ATG4A: variants seen among roughly 807,000 people sequenced by gnomAD.
ATG4A encodes the protein autophagy related 4A cysteine peptidase.
In ATG4A, 22 loss-of-function variants were observed where a neutral mutation model predicts 38.4. The observed-to-expected ratio is 0.57, with a 90% CI of 0.41 to 0.82. ATG4A has a LOEUF of 0.82. Ranked by LOEUF, ATG4A falls within the 40% of genes least tolerant of loss-of-function variation. ATG4A has a pLI of 0.00. For synonymous variants in ATG4A, 86 were observed against 100.7 expected (o/e 0.85, Z 0.88); for missense variants, 220 against 290.0 (o/e 0.76, Z 1.75).
chrX:108,145,008 C>T (rs2033389369), intron 9 of ATG4A, among the ~76,000 whole-genome samples: 1 of 112,127 alleles, frequency 8.9e-6, no homozygotes, highest in Non-Finnish European at 1.9e-5. Flanking sequence ...GGCATTGTGC[C>T]TCTTTCTTGG....
intron 1 of ATG4A, among the ~76,000 whole-genome samples, chrX:108,102,485 A>C (rs1339584385): frequency 8.9e-6 from 1 of 112,020 alleles, no homozygotes; most frequent in Non-Finnish European, 1.9e-5. Flanking sequence ...ATTTTCTCCC[A>C]TTCTGTAGGT....
chrX:108,134,179 T>A, intron 5 of ATG4A, 21 bp downstream of exon 5: 1 of 1,176,794 alleles, frequency 8.5e-7, no homozygotes, highest in Non-Finnish European at 1.2e-6. Context: ...AAATCAATAG[T>A]TTAAAGGCAG....
In ATG4A at chrX:108,137,885, G is replaced by A. The variant is rs777506345; in HGVS notation, c.629G>A (p.Ser210Asn). The A allele has an allele frequency of 1.2e-5, 15 of 1,207,756 alleles. No homozygotes were observed. Among genetic ancestry groups the A allele is most frequent in the Non-Finnish European group, 4.5e-6 (4 of 893,900 alleles). Reference sequence around the variant, plus strand: ...GATTCTTTAACTGCTTCAAACCAGAGTAAGGGCACCTCTGCCTACTGCTCA... The same window carrying A: ...GATTCTTTAACTGCTTCAAACCAGAATAAGGGCACCTCTGCCTACTGCTCA... ...PPDSLTASNQ[S>N]KGTSAYCSAW... The change falls in exon 8 of 13, where the codon AGT becomes AAT. Residue 210 changes from serine to asparagine, a missense_variant. Coordinates refer to ENST00000372232, the MANE Select transcript of ATG4A (RefSeq NM_052936.5).
chrX:108,099,901 G>A (rs775144769), intron 1 of ATG4A, among the ~76,000 whole-genome samples: 2 of 111,713 alleles, frequency 1.8e-5, no homozygotes, highest in South Asian at 7.4e-4. Context: ...AAATTTGATA[G>A]AGTGATTCCT....
At chrX:108,111,182 T>C (rs762022171) in intron 1 of ATG4A, among the ~76,000 whole-genome samples, 17 of 112,354 alleles carry the variant, frequency 1.5e-4, no homozygotes, top group Non-Finnish European at 2.6e-4. Flanking sequence ...ATTACAGGTG[T>C]GAGCCATCAT....
chrX:108,101,850 C>A (rs769190639), intron 1 of ATG4A, among the ~76,000 whole-genome samples: 3 of 109,072 alleles, frequency 2.8e-5, no homozygotes, highest in South Asian at 8.0e-4. Flanking sequence ...CTGTGTCTGG[C>A]TTATTTCATT....
intron 1 of ATG4A, among the ~76,000 whole-genome samples, chrX:108,093,991 A>G (rs1276179933): frequency 3.6e-5 from 4 of 111,682 alleles, no homozygotes; most frequent in Non-Finnish European, 3.8e-5. Flanking sequence ...TGATATGCAC[A>G]TATATTCTCC....
intron 9 of ATG4A, among the ~76,000 whole-genome samples, chrX:108,138,535 A>G (rs1318096075): frequency 8.9e-6 from 1 of 112,218 alleles, no homozygotes; most frequent in Non-Finnish European, 1.9e-5. Flanking sequence ...TGGCTTTGCC[A>G]ATATCTCTCT....
intron 10 of ATG4A, among the ~76,000 whole-genome samples, chrX:108,151,118 T>A (rs1440927060): frequency 1.8e-5 from 2 of 111,967 alleles, no homozygotes; most frequent in African/African-American, 6.5e-5. Context: ...GGGAGCAAGA[T>A]GCCCTGGGTG....
At chrX:108,145,663 C>T (rs1338606755) in intron 9 of ATG4A, among the ~76,000 whole-genome samples, 1 of 112,273 alleles carries the variant, frequency 8.9e-6, no homozygotes, top group Non-Finnish European at 1.9e-5. Flanking sequence ...TCTCTGCAAT[C>T]CCTCCAGGGA....
At chrX:108,150,472 G>A (rs1009058487) in intron 10 of ATG4A, among the ~76,000 whole-genome samples, 175 bp downstream of exon 10, 1 of 112,729 alleles carries the variant, frequency 8.9e-6, no homozygotes, top group African/African-American at 3.2e-5. Context: ...GCTCCAGTTG[G>A]AATCTTGGCT....
chrX:108,102,825 C>T (rs2032055268), intron 1 of ATG4A, among the ~76,000 whole-genome samples: 3 of 109,013 alleles, frequency 2.8e-5, no homozygotes, highest in African/African-American at 1.0e-4. Flanking sequence ...ATCTTTGCCC[C>T]CTTTTTTTTT....
At chrX:108,092,503 A>G (rs950477983) in intron 1 of ATG4A, among the ~76,000 whole-genome samples, 1 of 112,425 alleles carries the variant, frequency 8.9e-6, no homozygotes, top group African/African-American at 3.2e-5. Context: ...ATAAGAATAC[A>G]TTCAAGAAAG....
At chrX:108,132,200 G>C (rs1424553223) in intron 4 of ATG4A, among the ~76,000 whole-genome samples, 10 of 112,193 alleles carry the variant, frequency 8.9e-5, no homozygotes, top group Non-Finnish European at 1.7e-4. Flanking sequence ...CGCCTGGCTG[G>C]TTGTTGGAAC....
At chrX:108,106,908 G>C (rs1254009778) in intron 1 of ATG4A, among the ~76,000 whole-genome samples, 1 of 111,410 alleles carries the variant, frequency 9.0e-6, no homozygotes, top group Non-Finnish European at 1.9e-5. Flanking sequence ...TCAGCTTCTT[G>C]AATCTGTAGG....
chrX:108,151,651 T>G, intron 10 of ATG4A, 151 bp from the exon 11 acceptor site: 1 of 497,627 alleles, frequency 2.0e-6, no homozygotes, highest in Non-Finnish European at 3.5e-6. Flanking sequence ...AGGCAATGAG[T>G]TAGGAGAGAG....
At chrX:108,097,480 C>T (rs1323019488) in intron 1 of ATG4A, among the ~76,000 whole-genome samples, 1 of 111,392 alleles carries the variant, frequency 9.0e-6, no homozygotes, top group Non-Finnish European at 1.9e-5. Flanking sequence ...GTAACCATAA[C>T]CACATGTAGC....
At chrX:108,091,927 C>T in intron 1 of ATG4A, 91 bp downstream of exon 1, 1 of 1,175,490 alleles carries the variant, frequency 8.5e-7, no homozygotes, top group South Asian at 1.9e-5. Context: ...GAAACAGGTT[C>T]GGGGGCAGGG....
chrX:108,134,611 G>A (rs1472797623), intron 6 of ATG4A, among the ~76,000 whole-genome samples, 200 bp downstream of exon 6: 1 of 111,963 alleles, frequency 8.9e-6, no homozygotes, highest in Non-Finnish European at 1.9e-5. Flanking sequence ...GTGTATCAGA[G>A]TTATATTCAC....
Sources: gnomAD v4.1 joint callset for allele counts (sites outside exome capture counted in the v4.1 genomes callset) on GRCh38, gnomAD v4.1.1 for gene constraint, MANE v1.5 for transcripts, NCBI Gene and HGNC (gene_info 2026-07-23, HGNC 2026-07-21) for gene names.